DCC: variants seen among roughly 807,000 people sequenced by gnomAD.
DCC encodes the protein netrin receptor DCC.
In DCC, 58 loss-of-function variants were observed where a neutral mutation model predicts 172.5. The ratio of observed to expected loss-of-function variants is 0.34; its 90% CI spans 0.27 to 0.42. DCC has a LOEUF of 0.42. Ranked by LOEUF, DCC falls within the 10% of genes least tolerant of loss-of-function variation. DCC has a pLI of 1.00. For missense variants in DCC, 1,740 were observed against 1,791.0 expected (o/e 0.97, Z 0.51); for synonymous variants, 709 against 644.5 (o/e 1.10, Z -1.52).
chr18:53,207,282 T>C (rs1484140203), intron 10 of DCC, among the ~76,000 whole-genome samples: 3 of 152,200 alleles, frequency 2.0e-5, no homozygotes, highest in Non-Finnish European at 4.4e-5. Flanking sequence ...TGGGTATATT[T>C]CAGCAAGAGA....
intron 15 of DCC, among the ~76,000 whole-genome samples, chr18:53,381,572 C>T (rs1296988111): frequency 1.5e-4 from 3 of 19,444 alleles, no homozygotes; most frequent in Non-Finnish European, 5.8e-4. Flanking sequence ...CCCCCCCCCA[C>T]CACCACCTTA....
At chr18:53,173,583 G>A (rs2055045778) in intron 8 of DCC, among the ~76,000 whole-genome samples, 1 of 152,056 alleles carries the variant, frequency 6.6e-6, no homozygotes, top group African/African-American at 2.4e-5. Flanking sequence ...AGACAAAGAA[G>A]GTCATTACAT....
chr18:52,857,527 T>A (rs1188804306), intron 2 of DCC, among the ~76,000 whole-genome samples: 1 of 152,182 alleles, frequency 6.6e-6, no homozygotes, highest in Non-Finnish European at 1.5e-5. Flanking sequence ...AACTATAAAC[T>A]GAATGTCATT....
At position 53,339,523 on chromosome 18, in the gene DCC, T is replaced by G. The variant is rs548073411; in HGVS notation, c.2165-190T>G. Among the ~76,000 whole-genome samples, 44 of 152,304 alleles carry G rather than the reference T, an allele frequency of 2.9e-4. 1 individual carries two copies. The highest frequency in any genetic ancestry group is 2.1e-3 in the South Asian group (10 of 4,828). On this transcript the variant is annotated intron_variant, in intron 14 of 28. Transcript: ENST00000442544. ...AAAGAACTCGGTATTCTTGTATGCT[T>G]AAGAAATTTTGTGAAAGTCAAATCA...
chr18:53,215,327 A>G (rs993717075), intron 11 of DCC, among the ~76,000 whole-genome samples: 1 of 151,884 alleles, frequency 6.6e-6, no homozygotes, highest in African/African-American at 2.4e-5. Flanking sequence ...GGGGCTCCCT[A>G]CATAGGTAAG....
chr18:53,268,929 T>G (rs986734504), intron 12 of DCC, among the ~76,000 whole-genome samples: 1 of 152,182 alleles, frequency 6.6e-6, no homozygotes. Flanking sequence ...GGCAATTGCT[T>G]TTTATAGAGT....
chr18:52,573,976 A>G (rs1163567450), intron 1 of DCC, among the ~76,000 whole-genome samples: 2 of 152,100 alleles, frequency 1.3e-5, no homozygotes, highest in African/African-American at 4.8e-5. Context: ...TAAGTAGCCT[A>G]TCCAAGTATT....
intron 12 of DCC, among the ~76,000 whole-genome samples, chr18:53,257,770 A>T (rs2056540528): frequency 6.6e-6 from 1 of 152,166 alleles, no homozygotes; most frequent in African/African-American, 2.4e-5. Flanking sequence ...TGATTGGAAT[A>T]ATTTCAGAAG....
intron 5 of DCC, among the ~76,000 whole-genome samples, chr18:52,979,111 C>A (rs2145600757): frequency 6.6e-6 from 1 of 152,096 alleles, no homozygotes; most frequent in East Asian, 1.9e-4. Context: ...TAAGGTGGTA[C>A]TTGAGGGTGA....
At chr18:52,501,306 C>A (rs931167924) in intron 1 of DCC, among the ~76,000 whole-genome samples, 1 of 152,062 alleles carries the variant, frequency 6.6e-6, no homozygotes, top group Non-Finnish European at 1.5e-5. Flanking sequence ...GTAAATCGTG[C>A]AACAAATGGT....
At chr18:52,848,798 A>G (rs929813315) in intron 2 of DCC, among the ~76,000 whole-genome samples, 3 of 152,130 alleles carry the variant, frequency 2.0e-5, no homozygotes, top group African/African-American at 7.2e-5. Context: ...ATGTTAAGTG[A>G]TTTTTAGACT....
At chr18:53,207,071 G>C (rs938110773) in intron 10 of DCC, among the ~76,000 whole-genome samples, 1 of 151,864 alleles carries the variant, frequency 6.6e-6, no homozygotes, top group South Asian at 2.1e-4. Context: ...GCTCTTCAAC[G>C]CATTTTGCCA....
chr18:52,534,452 G>T (rs2032234700), intron 1 of DCC, among the ~76,000 whole-genome samples: 2 of 152,122 alleles, frequency 1.3e-5, no homozygotes, highest in Non-Finnish European at 1.5e-5. Context: ...CACACATTTT[G>T]GCCAGCTTGC....
chr18:52,726,216 C>CA (rs142604131), intron 1 of DCC, among the ~76,000 whole-genome samples: 204 of 152,260 alleles, frequency 1.3e-3, no homozygotes, highest in African/African-American at 4.8e-3. Flanking sequence ...TTGCTAATGT[C>CA]ACACACAGCT....
rs191676523 is a variant in DCC, at chr18:53,130,171, C to T, written c.1262-27185C>T. Among the ~76,000 whole-genome samples, 12 of 152,168 alleles carry T rather than the reference C, an allele frequency of 7.9e-5. No homozygotes were observed. The East Asian group carries it at 2.1e-3, about 27-fold the overall frequency. On this transcript the variant is annotated intron_variant, in intron 7 of 28. Coordinates refer to ENST00000442544, the MANE Select transcript of DCC (RefSeq NM_005215.4). ...CCCATTCATATTTAAAAGTGAAGCA[C>T]TAAAAATATAATTGAAAATTGTGTT...
At chr18:52,639,904 G>A (rs1346583138) in intron 1 of DCC, among the ~76,000 whole-genome samples, 9 of 151,810 alleles carry the variant, frequency 5.9e-5, no homozygotes, top group Admixed American at 3.9e-4. Context: ...AGGAAAGGGC[G>A]TAACCAAAAA....
At chr18:53,241,105 G>A (rs1309463662) in intron 12 of DCC, among the ~76,000 whole-genome samples, 1 of 152,158 alleles carries the variant, frequency 6.6e-6, no homozygotes, top group Non-Finnish European at 1.5e-5. Flanking sequence ...AGGCTGGGAA[G>A]TAATGTTATT....
chr18:53,196,492 C>T (rs929173369), intron 9 of DCC, among the ~76,000 whole-genome samples: 1 of 152,026 alleles, frequency 6.6e-6, no homozygotes, highest in Admixed American at 6.6e-5. Context: ...TCTTGTAATC[C>T]CTTTATTATC....
chr18:52,370,163 G>T (rs1251231789), intron 1 of DCC, among the ~76,000 whole-genome samples: 2 of 152,156 alleles, frequency 1.3e-5, no homozygotes, highest in Admixed American at 1.3e-4. Flanking sequence ...GTGGAAGACA[G>T]TGTGGCGATT....
Sources: gnomAD v4.1 joint callset for allele counts (sites outside exome capture counted in the v4.1 genomes callset) on GRCh38, gnomAD v4.1.1 for gene constraint, MANE v1.5 for transcripts, NCBI Gene and HGNC (gene_info 2026-07-23, HGNC 2026-07-21) for gene names.